The following NKAIN3 variants were observed in gnomAD, a reference collection of about 807,000 sequenced individuals.
The protein encoded by NKAIN3 is sodium/potassium-transporting ATPase subunit beta-1-interacting protein 3.
NKAIN3 carries 25 observed loss-of-function variants against 30.2 expected under a neutral mutation model. The ratio of observed to expected loss-of-function variants is 0.83; its 90% CI spans 0.60 to 1.16. NKAIN3 has a LOEUF of 1.16. Among genes scored for constraint, NKAIN3 ranks in the 50% most tolerant of loss-of-function variants. The pLI is 0.00. For synonymous variants in NKAIN3, 91 were observed against 89.6 expected (o/e 1.02, Z -0.09); for missense variants, 225 against 254.1 (o/e 0.89, Z 0.78).
At chr8:62,877,724 A>T (rs1478761957) in intron 4 of NKAIN3, among the ~76,000 whole-genome samples, 1 of 152,156 alleles carries the variant, frequency 6.6e-6, no homozygotes, top group Non-Finnish European at 1.5e-5. Context: ...ATATGAATTG[A>T]TAGTATCAAC....
intron 4 of NKAIN3, among the ~76,000 whole-genome samples, chr8:62,876,677 G>A (rs994782893): frequency 2.0e-5 from 3 of 152,156 alleles, no homozygotes; most frequent in African/African-American, 7.2e-5. Context: ...CATAGATGAA[G>A]CTGGAACCCA....
rs539289976 is a variant in NKAIN3, at chr8:62,918,150, G to A, written c.472-303G>A. 2.6e-3 allele frequency among the ~76,000 whole-genome samples: 397 copies of A among 152,224 alleles called. 3 individuals carry two copies. Among genetic ancestry groups the A allele is most frequent in the African/African-American group, 9.2e-3 (382 of 41,538 alleles). ...CAGAAAAAAATCAAAACTTTAAAAT[G>A]GATTTCTTAATAATCTTTGCTGATT... On this transcript the variant is annotated intron_variant, in intron 4 of 6. Coordinates refer to ENST00000623646, the MANE Select transcript of NKAIN3 (RefSeq NM_001304533.3).
intron 1 of NKAIN3, among the ~76,000 whole-genome samples, chr8:62,283,690 A>G (rs1272266419): frequency 6.6e-6 from 1 of 152,124 alleles, no homozygotes; most frequent in Non-Finnish European, 1.5e-5. Context: ...TTAAAAAATA[A>G]TATAATTTTA....
At chr8:62,257,580 C>A (rs1356267758) in intron 1 of NKAIN3, among the ~76,000 whole-genome samples, 2 of 152,178 alleles carry the variant, frequency 1.3e-5, no homozygotes, top group Non-Finnish European at 2.9e-5. Context: ...TCTCTGTAAG[C>A]TGCCATTTAA....
rs6983963 is a variant in NKAIN3 at position 62,879,389 on chromosome 8, G to T, written c.472-39064G>T. The stretch of plus-strand genomic sequence containing the variant: ...TTTTTTTCTTATAAATTTGTTTGAG[G>T]TCATTGTAGATTCTGGATATTAGCC... On this transcript the variant is annotated intron_variant, in intron 4 of 6. Transcript: ENST00000623646. 2.1e-3 allele frequency among the ~76,000 whole-genome samples: 321 copies of T among 152,190 alleles called. 2 individuals are homozygous for T. Among genetic ancestry groups the T allele is most frequent in the African/African-American group, 7.0e-3 (292 of 41,518 alleles).
At chr8:62,456,653 A>G (rs942405253) in intron 1 of NKAIN3, among the ~76,000 whole-genome samples, 1 of 152,182 alleles carries the variant, frequency 6.6e-6, no homozygotes, top group African/African-American at 2.4e-5. Context: ...CACAGTTTGT[A>G]CTTTCACCTG....
At chr8:62,565,802 A>T (rs1721227094) in intron 1 of NKAIN3, among the ~76,000 whole-genome samples, 2 of 152,164 alleles carry the variant, frequency 1.3e-5, no homozygotes, top group South Asian at 4.1e-4. Flanking sequence ...GGTATAACTT[A>T]TCCTAGCCTC....
At chr8:62,302,872 G>A (rs1323223135) in intron 1 of NKAIN3, among the ~76,000 whole-genome samples, 1 of 142,264 alleles carries the variant, frequency 7.0e-6, no homozygotes, top group Admixed American at 6.7e-5. Flanking sequence ...CATGCTCCCT[G>A]GGATTTCTTT....
At chr8:62,416,000 C>T (rs899318402) in intron 1 of NKAIN3, among the ~76,000 whole-genome samples, 32 of 152,118 alleles carry the variant, frequency 2.1e-4, no homozygotes, top group Admixed American at 7.2e-4. Flanking sequence ...TCGTGATCCT[C>T]CTGCCTCAGC....
intron 6 of NKAIN3, among the ~76,000 whole-genome samples, chr8:62,964,028 A>G (rs1823639582): frequency 6.6e-6 from 1 of 152,162 alleles, no homozygotes; most frequent in Admixed American, 6.6e-5. Context: ...GTGAGTGTGA[A>G]ACGCAGTCTG....
At chr8:62,819,163 AT>A (rs1818778649) in intron 4 of NKAIN3, among the ~76,000 whole-genome samples, 2 of 148,726 alleles carry the variant, frequency 1.3e-5, no homozygotes, top group South Asian at 2.1e-4. Flanking sequence ...ATATATATAT[AT>A]ATAATTGTTA....
chr8:62,384,780 A>G (rs1014542269), intron 1 of NKAIN3, among the ~76,000 whole-genome samples: 1 of 152,182 alleles, frequency 6.6e-6, no homozygotes, highest in Admixed American at 6.5e-5. Context: ...CAAAGACTCT[A>G]GAATTCCATA....
chr8:62,743,757 A>C (rs545898170), intron 3 of NKAIN3, among the ~76,000 whole-genome samples: 24 of 152,356 alleles, frequency 1.6e-4, no homozygotes, highest in Middle Eastern at 3.4e-3. Context: ...AAAATAAAAA[A>C]TAAATATGAT....
At chr8:62,466,472 A>C (rs1806167301) in intron 1 of NKAIN3, among the ~76,000 whole-genome samples, 1 of 152,172 alleles carries the variant, frequency 6.6e-6, no homozygotes, top group Non-Finnish European at 1.5e-5. Flanking sequence ...TGTCTGTGCA[A>C]ATGAGCCATA....
intron 1 of NKAIN3, among the ~76,000 whole-genome samples, chr8:62,513,204 A>G (rs1256850779): frequency 6.6e-6 from 1 of 151,854 alleles, no homozygotes; most frequent in Admixed American, 6.6e-5. Flanking sequence ...GCCTCATGTA[A>G]GGAAATAGTG....
At chr8:62,802,965 C>G (rs61377731) in intron 4 of NKAIN3, among the ~76,000 whole-genome samples, 26,429 of 152,014 alleles carry the variant, frequency 0.17, 2,488 homozygotes, top group East Asian at 0.29. Context: ...GGTTGCAATC[C>G]TAGTCTCTGA....
chr8:62,839,335 C>G (rs1361517926), intron 4 of NKAIN3, among the ~76,000 whole-genome samples: 2 of 147,804 alleles, frequency 1.4e-5, no homozygotes, highest in African/African-American at 2.5e-5. Context: ...ACTTTCACAC[C>G]AAGACAGAAT....
chr8:62,815,650 G>C lies in NKAIN3; in HGVS notation c.471+68521G>C, dbSNP rs138228480. ...GATTATCTCAATAGATGCAGAAAAG[G>C]CCTTTGACAACATTCAAAAACCTTC... On this transcript the variant is annotated intron_variant, in intron 4 of 6. Transcript: ENST00000623646. Among the ~76,000 whole-genome samples, 1,505 of 152,200 alleles carry C rather than the reference G, an allele frequency of 9.9e-3. 28 individuals carry two copies. The highest frequency in any genetic ancestry group is 0.033 in the African/African-American group (1,370 of 41,506).
intron 1 of NKAIN3, among the ~76,000 whole-genome samples, chr8:62,416,036 G>A (rs1487216238): frequency 5.9e-5 from 9 of 152,050 alleles, no homozygotes; most frequent in East Asian, 1.9e-4. Flanking sequence ...GATTACAGGC[G>A]TGAGCCACCA....
Sources: gnomAD v4.1 joint callset for allele counts (sites outside exome capture counted in the v4.1 genomes callset) on GRCh38, gnomAD v4.1.1 for gene constraint, MANE v1.5 for transcripts, NCBI Gene and HGNC (gene_info 2026-07-23, HGNC 2026-07-21) for gene names.